Variants in FAM135B observed in about 807,000 individuals in gnomAD.
FAM135B encodes protein FAM135B.
Under a neutral mutation model 127.7 loss-of-function variants are expected in FAM135B, and 43 were observed. The ratio of observed to expected loss-of-function variants is 0.34; its 90% CI spans 0.26 to 0.43. The LOEUF (loss-of-function observed/expected upper bound fraction) is 0.43. Among genes scored for constraint, FAM135B ranks in the 20% least tolerant of loss-of-function variants. FAM135B has a pLI of 1.00. For missense variants in FAM135B, 1,558 were observed against 1,725.6 expected, an observed-to-expected ratio of 0.90 and a Z score of 1.72; for synonymous variants, 670 against 665.1, an observed-to-expected ratio of 1.01 and a Z score of -0.11.
chr8:138,183,983 AAC>A (rs143983806), intron 9 of FAM135B, among the ~76,000 whole-genome samples: 134 of 152,318 alleles, frequency 8.8e-4, no homozygotes, highest in African/African-American at 3.1e-3. Context: ...GGAACAAAGT[AAC>A]ACAAATCCTT....
At chr8:138,267,757 C>T (rs940663378) in intron 3 of FAM135B, among the ~76,000 whole-genome samples, 1 of 152,240 alleles carries the variant, frequency 6.6e-6, no homozygotes, top group East Asian at 1.9e-4. Flanking sequence ...ATGTAAAATG[C>T]CAGGTTGTTT....
At chr8:138,333,536 C>T (rs903480571) in intron 2 of FAM135B, among the ~76,000 whole-genome samples, 1 of 152,040 alleles carries the variant, frequency 6.6e-6, no homozygotes, top group Non-Finnish European at 1.5e-5. Flanking sequence ...GTCTAAGGGC[C>T]GGGGGCTCCC....
chr8:138,447,245 G>A (rs1289825332), intron 1 of FAM135B, among the ~76,000 whole-genome samples: 6 of 152,162 alleles, frequency 3.9e-5, no homozygotes, highest in Non-Finnish European at 8.8e-5. Flanking sequence ...AAGATAGTGT[G>A]GCGATTCCTC....
intron 3 of FAM135B, among the ~76,000 whole-genome samples, chr8:138,274,185 C>A (rs1823624077): frequency 6.6e-6 from 1 of 152,184 alleles, no homozygotes; most frequent in African/African-American, 2.4e-5. Context: ...GGAACCTGCC[C>A]CGATATTCAC....
At chr8:138,264,630 T>C (rs948243851) in intron 4 of FAM135B, among the ~76,000 whole-genome samples, 2 of 152,210 alleles carry the variant, frequency 1.3e-5, no homozygotes, top group Admixed American at 6.5e-5. Flanking sequence ...ATGTTCACTA[T>C]TTTTACCTCC....
intron 16 of FAM135B, 184 bp downstream of exon 16, chr8:138,142,828 G>A (rs1817324256): frequency 3.9e-6 from 2 of 512,498 alleles, no homozygotes; most frequent in East Asian, 6.2e-5. Context: ...ACAAACTATG[G>A]CAGAGATGAA....
intron 2 of FAM135B, among the ~76,000 whole-genome samples, chr8:138,364,355 AG>A (rs993018694): frequency 1.9e-4 from 29 of 152,274 alleles, no homozygotes; most frequent in African/African-American, 5.5e-4. Context: ...AACAAGTGCA[AG>A]GTTTTGTTGC....
intron 1 of FAM135B, among the ~76,000 whole-genome samples, chr8:138,386,112 A>C (rs892032736): frequency 2.0e-5 from 3 of 151,996 alleles, no homozygotes; most frequent in Non-Finnish European, 4.4e-5. Flanking sequence ...GCTACTCAGG[A>C]GGCTGAGGCA....
At chr8:138,206,364 C>T (rs866191601) in intron 7 of FAM135B, among the ~76,000 whole-genome samples, 7 of 149,240 alleles carry the variant, frequency 4.7e-5, no homozygotes, top group Admixed American at 6.6e-5. Flanking sequence ...ATCCCCTCCA[C>T]CTACCCACAA....
chr8:138,311,058 T>C (rs2130895331), intron 2 of FAM135B, 138 bp from the exon 3 acceptor site: 4 of 637,380 alleles, frequency 6.3e-6, no homozygotes, highest in East Asian at 2.8e-5. Context: ...CTGGCATCAA[T>C]GAGAAATGCA....
chr8:138,422,761 G>T (rs766675642), intron 1 of FAM135B, among the ~76,000 whole-genome samples: 2 of 151,942 alleles, frequency 1.3e-5, no homozygotes, highest in Non-Finnish European at 2.9e-5. Flanking sequence ...TGTATTATTG[G>T]GTGTATATCC....
chr8:138,247,243 T>C (rs1821360492), intron 6 of FAM135B, among the ~76,000 whole-genome samples: 1 of 152,186 alleles, frequency 6.6e-6, no homozygotes, highest in African/African-American at 2.4e-5. Flanking sequence ...GGGCATGAGA[T>C]TTGGGAAGGA....
At chr8:138,197,301 G>A (rs1816730141) in intron 8 of FAM135B, among the ~76,000 whole-genome samples, 1 of 152,182 alleles carries the variant, frequency 6.6e-6, no homozygotes, top group Non-Finnish European at 1.5e-5. Flanking sequence ...ATGCATGAGT[G>A]AATGAATGTG....
intron 2 of FAM135B, among the ~76,000 whole-genome samples, chr8:138,365,223 T>C (rs1160502786): frequency 6.6e-6 from 1 of 152,166 alleles, no homozygotes; most frequent in Non-Finnish European, 1.5e-5. Flanking sequence ...CCTAATTCAA[T>C]ATGAGACTTT....
chr8:138,337,766 T>G (rs1828720837), intron 2 of FAM135B, among the ~76,000 whole-genome samples: 1 of 152,132 alleles, frequency 6.6e-6, no homozygotes, highest in Non-Finnish European at 1.5e-5. Flanking sequence ...TACTTTAAAG[T>G]TCATATGGAA....
At chr8:138,345,998 G>A (rs150022707) in intron 2 of FAM135B, among the ~76,000 whole-genome samples, 1,921 of 152,222 alleles carry the variant, frequency 0.013, 33 homozygotes, top group African/African-American at 0.044. Flanking sequence ...GGCAAAGGAC[G>A]TGAACAGACA....
At chr8:138,293,555 GA>G (rs142956075) in intron 3 of FAM135B, among the ~76,000 whole-genome samples, 2,112 of 151,630 alleles carry the variant, frequency 0.014, 50 homozygotes, top group African/African-American at 0.047. Context: ...AAATTAGTGA[GA>G]AAAAAAATCC....
intron 1 of FAM135B, among the ~76,000 whole-genome samples, chr8:138,378,973 A>T (rs1210781046): frequency 1.3e-5 from 2 of 152,174 alleles, no homozygotes; most frequent in Non-Finnish European, 2.9e-5. Context: ...CAATGCCATC[A>T]CTATTTGCAG....
intron 3 of FAM135B, among the ~76,000 whole-genome samples, chr8:138,303,848 T>C (rs956271052): frequency 2.6e-5 from 4 of 152,150 alleles, no homozygotes; most frequent in African/African-American, 4.8e-5. Flanking sequence ...ACAGGGTCAT[T>C]CCTATCATTG....
Sources: gnomAD v4.1 joint callset for allele counts (sites outside exome capture counted in the v4.1 genomes callset) on GRCh38, gnomAD v4.1.1 for gene constraint, MANE v1.5 for transcripts, NCBI Gene and HGNC (gene_info 2026-07-23, HGNC 2026-07-21) for gene names.